Variants in GABBR2 observed in about 807,000 individuals in gnomAD.
GABBR2 encodes the protein G-protein coupled receptor 51.
Under a neutral mutation model 105.6 loss-of-function variants are expected in GABBR2, and 23 were observed. The observed-to-expected ratio is 0.22, with a 90% CI of 0.16 to 0.31. The LOEUF (loss-of-function observed/expected upper bound fraction) is 0.31, where lower values mean the gene tolerates loss of function less well. Ranked by LOEUF, GABBR2 falls within the 10% of genes least tolerant of loss-of-function variation. The probability of loss-of-function intolerance (pLI) is 1.00; values close to 1 mark genes in which losing one functional copy is unlikely to be tolerated. For synonymous variants in GABBR2, 478 were observed against 499.7 expected (o/e 0.96, Z 0.58); for missense variants, 734 against 1,245.5 (o/e 0.59, Z 6.18).
intron 1 of GABBR2, among the ~76,000 whole-genome samples, chr9:98,592,234 G>A (rs1260911809): frequency 6.6e-6 from 1 of 152,216 alleles, no homozygotes; most frequent in Non-Finnish European, 1.5e-5. Context: ...GAGAGAACCA[G>A]ATACCTGGGA....
intron 7 of GABBR2, among the ~76,000 whole-genome samples, chr9:98,441,660 C>A (rs1826033739): frequency 6.6e-6 from 1 of 152,176 alleles, no homozygotes; most frequent in African/African-American, 2.4e-5. Context: ...AGCCACTGCG[C>A]CCAGCTGGGA....
At chr9:98,671,467 A>G (rs1830406307) in intron 1 of GABBR2, among the ~76,000 whole-genome samples, 2 of 152,232 alleles carry the variant, frequency 1.3e-5, no homozygotes, top group Non-Finnish European at 2.9e-5. Context: ...ACATGAATGT[A>G]CAAGTGTTTA....
chr9:98,400,974 A>G (rs1241818953), intron 8 of GABBR2, among the ~76,000 whole-genome samples: 1 of 152,142 alleles, frequency 6.6e-6, no homozygotes, highest in Non-Finnish European at 1.5e-5. Context: ...CCATGAAATG[A>G]GGTGTGCGAA....
At chr9:98,413,478 G>A (rs552244293) in intron 7 of GABBR2, among the ~76,000 whole-genome samples, 1 of 152,060 alleles carries the variant, frequency 6.6e-6, no homozygotes, top group South Asian at 2.1e-4. Flanking sequence ...GTCCCCTTGA[G>A]CTATAGAAGA....
chr9:98,382,680 A>G (rs1044585303), intron 11 of GABBR2, among the ~76,000 whole-genome samples: 1 of 152,204 alleles, frequency 6.6e-6, no homozygotes, highest in African/African-American at 2.4e-5. Flanking sequence ...GCCTAAGCAC[A>G]GATGGAAGAG....
chr9:98,359,264 C>G (rs779123841), intron 13 of GABBR2, among the ~76,000 whole-genome samples: 1 of 151,914 alleles, frequency 6.6e-6, no homozygotes, highest in Non-Finnish European at 1.5e-5. Flanking sequence ...CCTATCTCTA[C>G]TAAGAATACA....
At chr9:98,510,450 G>A (rs1350253518) in intron 3 of GABBR2, among the ~76,000 whole-genome samples, 1 of 152,156 alleles carries the variant, frequency 6.6e-6, no homozygotes, top group African/African-American at 2.4e-5. Flanking sequence ...TGGGCTAAAT[G>A]CTCCAATTAA....
chr9:98,679,998 T>C (rs1830522482), intron 1 of GABBR2, among the ~76,000 whole-genome samples: 1 of 152,374 alleles, frequency 6.6e-6, no homozygotes, highest in East Asian at 1.9e-4. Context: ...TCCTGTGTCA[T>C]GTAAAACTTA....
intron 4 of GABBR2, among the ~76,000 whole-genome samples, chr9:98,494,336 G>T (rs1827234150): frequency 6.6e-6 from 1 of 152,184 alleles, no homozygotes; most frequent in South Asian, 2.1e-4. Context: ...TTTAAATAAA[G>T]TGTTCAGGGA....
chr9:98,521,844 C>A (rs545887175), intron 3 of GABBR2, among the ~76,000 whole-genome samples: 1 of 152,138 alleles, frequency 6.6e-6, no homozygotes, highest in African/African-American at 2.4e-5. Context: ...GCATAAAATG[C>A]ATATGGAACC....
intron 2 of GABBR2, among the ~76,000 whole-genome samples, chr9:98,553,796 G>T (rs1828534646): frequency 6.6e-6 from 1 of 152,222 alleles, no homozygotes; most frequent in Non-Finnish European, 1.5e-5. Flanking sequence ...GAGCCTCGGA[G>T]AGGATAAGTG....
intron 7 of GABBR2, among the ~76,000 whole-genome samples, chr9:98,427,258 C>T (rs1317735122): frequency 6.6e-6 from 1 of 152,150 alleles, no homozygotes; most frequent in African/African-American, 2.4e-5. Flanking sequence ...CACTTGGGTT[C>T]TCTCCTTTCC....
At chr9:98,601,932 A>C (rs1162637760) in intron 1 of GABBR2, among the ~76,000 whole-genome samples, 1 of 152,232 alleles carries the variant, frequency 6.6e-6, no homozygotes. Flanking sequence ...CAATGTGACC[A>C]CAGGGAAGAC....
intron 11 of GABBR2, among the ~76,000 whole-genome samples, chr9:98,380,031 T>C (rs906664924): frequency 2.0e-5 from 3 of 152,154 alleles, no homozygotes; most frequent in African/African-American, 7.2e-5. Context: ...TGCTTTCTAA[T>C]GAAACATCTC....
chr9:98,370,058 C>G (rs1831751273), intron 12 of GABBR2, among the ~76,000 whole-genome samples: 1 of 152,032 alleles, frequency 6.6e-6, no homozygotes, highest in Admixed American at 6.6e-5. Flanking sequence ...ATGGACTGGC[C>G]AGCTGCTCTG....
intron 12 of GABBR2, among the ~76,000 whole-genome samples, chr9:98,365,834 A>C (rs1274473169): frequency 2.0e-5 from 1 of 48,840 alleles, no homozygotes; most frequent in East Asian, 2.9e-4. Context: ...GAAAAAAAAG[A>C]AGCACTGATC....
At chr9:98,601,075 C>T (rs1474107460) in intron 1 of GABBR2, among the ~76,000 whole-genome samples, 2 of 152,230 alleles carry the variant, frequency 1.3e-5, no homozygotes, top group Non-Finnish European at 2.9e-5. Context: ...CACTTCCACC[C>T]TGTGCCCCAC....
chr9:98,693,318 T>C (rs1386709840), intron 1 of GABBR2, among the ~76,000 whole-genome samples: 1 of 144,852 alleles, frequency 6.9e-6, no homozygotes, highest in African/African-American at 2.6e-5. Flanking sequence ...ATTGAGCAGT[T>C]TCCATGTGCA....
chr9:98,696,092 G>A (rs1275609403), intron 1 of GABBR2, among the ~76,000 whole-genome samples: 5 of 152,206 alleles, frequency 3.3e-5, no homozygotes, highest in East Asian at 3.8e-4. Flanking sequence ...GTTAACTTGC[G>A]GCTGTGATAA....
Sources: allele counts gnomAD v4.1 joint callset (sites outside exome capture counted in the v4.1 genomes callset), GRCh38; gene constraint gnomAD v4.1.1; transcripts MANE v1.5; gene names NCBI Gene and HGNC (gene_info 2026-07-23, HGNC 2026-07-21).